Variants in DNAH14 observed in about 807,000 individuals in gnomAD.
DNAH14 encodes axonemal beta dynein heavy chain 14.
DNAH14 carries 478 observed loss-of-function variants against 520.9 expected under a neutral mutation model. The ratio of observed to expected loss-of-function variants is 0.92; its 90% CI spans 0.85 to 0.99. DNAH14 has a LOEUF of 0.99. DNAH14 is among the 50% of genes least tolerant of loss of function. DNAH14 has a pLI of 0.00. For synonymous variants in DNAH14, 1,581 were observed against 1,757.2 expected, an observed-to-expected ratio of 0.90 and a Z score of 2.51; for missense variants, 4,831 against 5,234.5, an observed-to-expected ratio of 0.92 and a Z score of 2.38.
chr1:225,109,616 G>T (rs1352270724), intron 23 of DNAH14, among the ~76,000 whole-genome samples: 2 of 151,926 alleles, frequency 1.3e-5, no homozygotes, highest in African/African-American at 4.8e-5. Context: ...GGAGTCTTTA[G>T]GTTTTCCCCT....
chr1:224,956,838 G>A (rs2060546122), intron 3 of DNAH14, among the ~76,000 whole-genome samples: 1 of 152,062 alleles, frequency 6.6e-6, no homozygotes, highest in African/African-American at 2.4e-5. Flanking sequence ...AGCTGTGTTT[G>A]CAGGCTGGAC....
chr1:225,023,561 C>T (rs12563857), intron 10 of DNAH14, 54 bp from the exon 11 acceptor site: 1 of 1,371,056 alleles, frequency 7.3e-7, no homozygotes, highest in Non-Finnish European at 9.7e-7. Context: ...AGAAATCATG[C>T]TATATTAACA....
Position 225,207,241 on chromosome 1 carries a change from C to A in DNAH14, c.6439+21C>A. Reference sequence around the variant, plus strand: ...ACAAAGTGAGTTTTTTTCTCTAAGTCATATCAATGATATATCTTAGCTAGT... The same window carrying A: ...ACAAAGTGAGTTTTTTTCTCTAAGTAATATCAATGATATATCTTAGCTAGT... On this transcript the variant is annotated intron_variant, in intron 41 of 85. Transcript: ENST00000682510. The A allele has an allele frequency of 2.0e-6, 3 of 1,488,526 alleles. No homozygotes were observed. In the South Asian group the frequency reaches 4.1e-5, roughly 20 times the overall value. 92.2% of individuals were successfully genotyped at this position (1,488,526 alleles called of 1,614,324 possible).
chr1:225,039,129 T>C (rs1278298229), intron 12 of DNAH14, among the ~76,000 whole-genome samples: 1 of 152,160 alleles, frequency 6.6e-6, no homozygotes, highest in Admixed American at 6.5e-5. Flanking sequence ...TTGGAGCTTA[T>C]ATTTTACCAG....
chr1:225,091,957 A>G (rs909894823), intron 21 of DNAH14, among the ~76,000 whole-genome samples: 1 of 152,278 alleles, frequency 6.6e-6, no homozygotes, highest in African/African-American at 2.4e-5. Context: ...AAAACCAACA[A>G]AGATCAAAAA....
chr1:225,078,447 AACTT>A (rs2072562753), intron 17 of DNAH14, among the ~76,000 whole-genome samples: 1 of 152,204 alleles, frequency 6.6e-6, no homozygotes, highest in Non-Finnish European at 1.5e-5. Flanking sequence ...TGTTATTCAT[AACTT>A]ACTTATTTTA....
chr1:225,377,833 C>T (rs1263525384), intron 79 of DNAH14, among the ~76,000 whole-genome samples: 1 of 152,060 alleles, frequency 6.6e-6, no homozygotes, highest in Non-Finnish European at 1.5e-5. Flanking sequence ...GAATGTTTGA[C>T]CCCATTTATA....
chr1:225,002,887 A>G lies in DNAH14; in HGVS notation c.935A>G (p.Asn312Ser). ...CEDAINLKNYNDHENNLSAIC... is the reference protein window; with the variant it reads ...CEDAINLKNYSDHENNLSAIC... ...GATGCAATTAATCTCAAAAATTATA[A>G]TGACCATGAAAATAATCTATCTGCC... Residue 312 changes from asparagine (N) to serine (S), a missense_variant, in exon 9 of 86, where the codon AAT (asparagine) becomes AGT (serine). Coordinates refer to ENST00000682510, the MANE Select transcript of DNAH14 (RefSeq NM_001367479.1). 2.6e-6 allele frequency: 4 copies of G among 1,549,534 alleles called. No individual in the cohort carries two copies. In the South Asian group the frequency reaches 3.6e-5, roughly 14 times the overall value.
chr1:225,307,810 A>ATAGTAGG (rs1461406306), intron 59 of DNAH14, among the ~76,000 whole-genome samples: 1 of 152,222 alleles, frequency 6.6e-6, no homozygotes, highest in African/African-American at 2.4e-5. Context: ...ATTAAGTGTA[A>ATAGTAGG]TAGTAGGTAT....
intron 23 of DNAH14, among the ~76,000 whole-genome samples, chr1:225,114,394 C>G (rs2076706850): frequency 6.6e-6 from 1 of 152,270 alleles, no homozygotes; most frequent in South Asian, 2.1e-4. Context: ...CTTCCCTCTC[C>G]TGTCCTGAAG....
intron 41 of DNAH14, among the ~76,000 whole-genome samples, chr1:225,212,868 C>A (rs1260894519): frequency 6.6e-6 from 1 of 152,230 alleles, no homozygotes; most frequent in Non-Finnish European, 1.5e-5. Context: ...TGCATTTTCA[C>A]TCTGATGGTA....
Position 225,352,981 on chromosome 1 carries a change from G to T in DNAH14, c.11534-822G>T, listed in dbSNP as rs1005973216. On this transcript the variant is annotated intron_variant, in intron 72 of 85. Coordinates refer to ENST00000682510, the MANE Select transcript of DNAH14 (RefSeq NM_001367479.1). The stretch of plus-strand genomic sequence containing the variant: ...AAGAGTCAGTTACTTTTATTTAAAA[G>T]AATTCTTTATTGACCCTTTTTGTAA... Among the ~76,000 whole-genome samples the T allele has an allele frequency of 3.3e-5, 5 of 152,078 alleles. No individual in the cohort carries two copies. The East Asian group carries it at 5.8e-4, about 18-fold the overall frequency.
Position 225,369,659 on chromosome 1 carries a change from A to G in DNAH14, c.12318+1627A>G, listed in dbSNP as rs145960443. The stretch of plus-strand genomic sequence containing the variant: ...TGTAGTCAACAAATTTGATTAACAG[A>G]TAGATCGAGAGACTAACATCCCTCT... On this transcript the variant is annotated intron_variant, in intron 77 of 85. Transcript: ENST00000682510. Among the ~76,000 whole-genome samples the G allele has an allele frequency of 7.4e-3, 1,129 of 152,276 alleles. 6 individuals carry two copies. The highest frequency in any genetic ancestry group is 0.014 in the Middle Eastern group (4 of 292).
At chr1:225,154,872 T>C (rs944697011) in intron 34 of DNAH14, among the ~76,000 whole-genome samples, 3 of 152,034 alleles carry the variant, frequency 2.0e-5, no homozygotes, top group Admixed American at 1.3e-4. Context: ...ATTGATAAAC[T>C]AGGGAAAAAA....
chr1:225,134,814 G>C (rs904098475), intron 27 of DNAH14, among the ~76,000 whole-genome samples: 9 of 151,948 alleles, frequency 5.9e-5, no homozygotes, highest in African/African-American at 1.9e-4. Flanking sequence ...GCTTCTCTTT[G>C]TACCTCTGAT....
At chr1:225,255,515 G>A (rs2092702754) in intron 44 of DNAH14, among the ~76,000 whole-genome samples, 2 of 152,014 alleles carry the variant, frequency 1.3e-5, no homozygotes, top group South Asian at 4.1e-4. Flanking sequence ...ACATATCCAG[G>A]TACCCATAAT....
chr1:225,058,333 A>G lies in DNAH14; in HGVS notation c.2424+6538A>G, dbSNP rs529863624. Among the ~76,000 whole-genome samples the G allele has an allele frequency of 1.2e-3, 180 of 152,316 alleles. 2 individuals are homozygous for G. Among genetic ancestry groups the G allele is most frequent in the Middle Eastern group, 6.8e-3 (2 of 294 alleles). ...TTATTTGTGTAGAAGTGTTGATAGT[A>G]TTCTCTGATGGTAGTTTGTATTTCT... On this transcript the variant is annotated intron_variant, in intron 17 of 85. Transcript: ENST00000682510.
Position 225,140,947 on chromosome 1 carries a change from T to C in DNAH14, c.4434T>C (p.Tyr1478=). 1 of 1,551,464 alleles carries C rather than the reference T, an allele frequency of 6.4e-7. No individual in the cohort carries two copies. Among genetic ancestry groups the C allele is most frequent in the Non-Finnish European group, 8.7e-7 (1 of 1,146,892 alleles). ...KAILGALLIL[Y]VHCRDIVINL... Reference sequence around the variant, plus strand: ...TACTAGGGGCATTGCTTATCCTTTATGTTCACTGCAGAGATATAGTGATAA... The same window carrying C: ...TACTAGGGGCATTGCTTATCCTTTACGTTCACTGCAGAGATATAGTGATAA... Residue 1478 remains tyrosine (Y), a synonymous_variant, in exon 28 of 86, where the codon TAT becomes TAC. Coordinates refer to ENST00000682510, the MANE Select transcript of DNAH14 (RefSeq NM_001367479.1).
At chr1:225,212,119 T>C (rs564623662) in intron 41 of DNAH14, among the ~76,000 whole-genome samples, 49 of 137,806 alleles carry the variant, frequency 3.6e-4, no homozygotes, top group Non-Finnish European at 6.1e-4. Context: ...AGTGTTCTCA[T>C]TGTTCAATTC....
Sources: gnomAD v4.1 joint callset for allele counts (sites outside exome capture counted in the v4.1 genomes callset) on GRCh38, gnomAD v4.1.1 for gene constraint, MANE v1.5 for transcripts, NCBI Gene and HGNC (gene_info 2026-07-23, HGNC 2026-07-21) for gene names.